Variants in SURF4 observed in about 807,000 individuals in gnomAD.
SURF4 encodes surfeit locus protein 4.
A neutral mutation model predicts 30.0 loss-of-function variants in SURF4; 3 were observed. The ratio of observed to expected loss-of-function variants is 0.10; its 90% CI spans 0.05 to 0.26. The LOEUF (loss-of-function observed/expected upper bound fraction) is 0.26, where lower values mean the gene tolerates loss of function less well. Ranked by LOEUF, SURF4 falls within the 10% of genes least tolerant of loss-of-function variation. The pLI is 1.00. For missense variants in SURF4, 217 were observed against 350.8 expected (o/e 0.62, Z 3.05); for synonymous variants, 143 against 139.9 (o/e 1.02, Z -0.16).
intron 5 of SURF4, among the ~76,000 whole-genome samples, chr9:133,364,348 C>CTTGACACACAAGAGATTGACGATGTT (rs1390062150): frequency 1.3e-5 from 2 of 152,218 alleles, no homozygotes; most frequent in African/African-American, 4.8e-5. Context: ...GGAAAGAAGG[C>CTTGACACACAAGAGATTGACGATGTT]TTGACACACA....
At chr9:133,376,391 C>A, upstream of SURF4, 5 of 1,440,692 alleles carry the variant, frequency 3.5e-6, no homozygotes, top group Non-Finnish European at 4.6e-6. Flanking sequence ...GCCGTTCGGG[C>A]GGGGAGGATC....
chr9:133,373,141 G>A (rs2130203662), intron 1 of SURF4, among the ~76,000 whole-genome samples: 133 of 152,310 alleles, frequency 8.7e-4, no homozygotes, highest in African/African-American at 3.2e-3. Context: ...GGCTGGGGGC[G>A]CTGGGGACCA....
intron 1 of SURF4, chr9:133,370,845 G>T: frequency 1.6e-6 from 2 of 1,285,528 alleles, no homozygotes; most frequent in Non-Finnish European, 2.0e-6. Flanking sequence ...TGACCTGGCA[G>T]GCTGCAGGAA....
At chr9:133,371,358 T>G (rs1257545696) in intron 1 of SURF4, among the ~76,000 whole-genome samples, 4 of 152,216 alleles carry the variant, frequency 2.6e-5, no homozygotes, top group Admixed American at 6.5e-5. Flanking sequence ...ACTGGCTCAC[T>G]GCAGCTCCAG....
At chr9:133,370,806 A>C in intron 1 of SURF4, 1 of 1,189,598 alleles carries the variant, frequency 8.4e-7, no homozygotes, top group Non-Finnish European at 1.1e-6. Context: ...CCATTAGAGA[A>C]CTGCGACAGC....
chr9:133,371,145 G>A, intron 1 of SURF4: 1 of 985,278 alleles, frequency 1.0e-6, no homozygotes, highest in South Asian at 4.7e-5. Context: ...TTCACACTCA[G>A]GACAGAAAGA....
Position 133,376,045 on chromosome 9 carries a change from G to T in SURF4, c.-76C>A. ...GCCCGTCGGCGCCCGCACCCGCTGC[G>T]GCCTCCACAGGAAGTGCCCGGCGGC... On this transcript the variant is annotated 5_prime_UTR_variant, in exon 1 of 6. Transcript: ENST00000371989. 3.3e-6 allele frequency: 4 copies of T among 1,209,412 alleles called. No homozygotes were observed. The highest frequency in any genetic ancestry group is 3.2e-4 in the Middle Eastern group (1 of 3,114). 74.9% of individuals were successfully genotyped at this position (1,209,412 alleles called of 1,614,324 possible). A position where few individuals can be genotyped will look rare whatever the true frequency, so the allele number is the denominator to read the frequency against.
intron 1 of SURF4, among the ~76,000 whole-genome samples, chr9:133,370,685 C>CA (rs1342963653): frequency 6.6e-6 from 1 of 152,160 alleles, no homozygotes; most frequent in Non-Finnish European, 1.5e-5. Context: ...CACCCCAGGA[C>CA]AGACAAGAGC....
intron 5 of SURF4, among the ~76,000 whole-genome samples, chr9:133,364,585 G>C (rs866337084): frequency 2.6e-5 from 4 of 152,006 alleles, no homozygotes; most frequent in Admixed American, 6.6e-5. Context: ...CCAGCTGCTC[G>C]GGAGGCTGAG....
rs11543366 is a variant in SURF4 at position 133,363,074 on chromosome 9, T to C, written c.*419A>G. The C allele has an allele frequency of 0.06, 19,720 of 326,698 alleles. 782 individuals are homozygous for C. Among genetic ancestry groups the C allele is most frequent in the Non-Finnish European group, 0.083 (14,500 of 173,736 alleles). The allele number at this position is 326,698 out of a possible 1,614,324, so 20.2% of individuals were successfully genotyped here. On this transcript the variant is annotated 3_prime_UTR_variant, in exon 6 of 6. Transcript: ENST00000371989. This position sits in a 1 kb window ranked among gnomAD's most constrained non-coding sequence, Gnocchi z 4.3. ...TGAACCACCCAAAATAATTTAGTAG[T>C]TTCCGCTAAAAATGTAAACTTACAA...
intron 3 of SURF4, among the ~76,000 whole-genome samples, chr9:133,366,375 C>T (rs1261973204): frequency 6.6e-6 from 1 of 152,168 alleles, no homozygotes. Context: ...TCCCTTGTCA[C>T]GGTAATCATA....
chr9:133,368,013 C>A (rs1724433042), intron 1 of SURF4, among the ~76,000 whole-genome samples: 1 of 152,266 alleles, frequency 6.6e-6, no homozygotes, highest in African/African-American at 2.4e-5. Context: ...AGCAGCCTCC[C>A]TCCTGAGGCA....
intron 5 of SURF4, 33 bp downstream of exon 5, chr9:133,364,807 A>G: frequency 1.2e-6 from 2 of 1,612,346 alleles, no homozygotes; most frequent in Non-Finnish European, 8.5e-7. Flanking sequence ...TTCACAGGAA[A>G]CCAGACCGGT....
intron 4 of SURF4, 94 bp downstream of exon 4, chr9:133,365,891 A>C: frequency 5.2e-6 from 7 of 1,350,666 alleles, no homozygotes; most frequent in Non-Finnish European, 7.4e-6. Flanking sequence ...TTGGTGCCCA[A>C]GATTTTTCCC....
intron 4 of SURF4, among the ~76,000 whole-genome samples, chr9:133,365,333 C>T (rs1408289785): frequency 1.3e-5 from 2 of 152,180 alleles, no homozygotes; most frequent in Non-Finnish European, 2.9e-5. Context: ...GCTGGGTCCC[C>T]GTGGTCAGGT....
intron 1 of SURF4, among the ~76,000 whole-genome samples, chr9:133,370,516 G>C (rs976979723): frequency 2.0e-5 from 3 of 152,176 alleles, no homozygotes; most frequent in African/African-American, 7.2e-5. Flanking sequence ...CACGTTTAAA[G>C]ACAAGGCCCA....
chr9:133,365,958 T>C, intron 4 of SURF4, 27 bp downstream of exon 4: 2 of 1,611,918 alleles, frequency 1.2e-6, no homozygotes, highest in Non-Finnish European at 1.7e-6. Flanking sequence ...AAGGAGCGTA[T>C]ACTAAAACCA....
intron 1 of SURF4, 124 bp downstream of exon 1, chr9:133,375,798 C>T (rs1179041): frequency 0.52 from 524,698 of 1,007,404 alleles, 138,872 homozygotes; most frequent in African/African-American, 0.58. Flanking sequence ...GGGGGGTCCC[C>T]CTGTGGGAAC....
rs2130093123 is a variant in SURF4, at chr9:133,363,791, TA to T, written c.544-33del. On this transcript the variant is annotated intron_variant, in intron 5 of 5. Transcript: ENST00000371989. The surrounding 1 kb of genome is among the most constrained non-coding windows in gnomAD (Gnocchi z 4.3). ...AGGTTGAAACGTAAGAAATTCAAAA[TA>T]AATGTGAGGAAAAGAGATGCTTTAT... The T allele has an allele frequency of 1.2e-6, 2 of 1,612,884 alleles. No homozygotes were observed. The highest frequency in any genetic ancestry group is 2.2e-5 in the South Asian group (2 of 91,016).
Sources: allele counts gnomAD v4.1 joint callset (sites outside exome capture counted in the v4.1 genomes callset), GRCh38; gene constraint gnomAD v4.1.1; non-coding constraint Gnocchi (gnomAD v3.1); transcripts MANE v1.5; gene names NCBI Gene and HGNC (gene_info 2026-07-23, HGNC 2026-07-21).